The following ATM variants were observed in gnomAD, a reference collection of about 807,000 sequenced individuals.
ATM encodes the protein serine-protein kinase ATM.
Under a neutral mutation model 387.0 loss-of-function variants are expected in ATM, and 308 were observed. That is an observed-to-expected ratio of 0.80 (90% CI 0.73 to 0.87). The LOEUF is 0.87. Ranked by LOEUF, ATM falls within the 40% of genes least tolerant of loss-of-function variation. ATM has a pLI of 0.00. For missense variants in ATM, 3,312 were observed against 3,560.9 expected (o/e 0.93, Z 1.78); for synonymous variants, 1,156 against 1,187.3 (o/e 0.97, Z 0.54).
chr11:108,258,861 A>C (rs927191527), intron 15 of ATM, 125 bp from the exon 16 acceptor site: 1 of 718,800 alleles, frequency 1.4e-6, no homozygotes, highest in Non-Finnish European at 2.5e-6. Flanking sequence ...TTGAAGCAGC[A>C]TATATATTGG....
intron 18 of ATM, among the ~76,000 whole-genome samples, chr11:108,270,201 T>A (rs1266408461): frequency 6.6e-6 from 1 of 152,200 alleles, no homozygotes; most frequent in African/African-American, 2.4e-5. Context: ...CTGTGCATAG[T>A]ACCATAAAGA....
intron 16 of ATM, among the ~76,000 whole-genome samples, chr11:108,262,146 C>A (rs1467229429): frequency 2.6e-5 from 4 of 152,136 alleles, no homozygotes; most frequent in Admixed American, 2.0e-4. Context: ...CACAAAGATA[C>A]TCCTCGAGAA....
At chr11:108,231,777 G>A (rs909703064) in intron 4 of ATM, among the ~76,000 whole-genome samples, 1 of 150,484 alleles carries the variant, frequency 6.6e-6, no homozygotes, top group Non-Finnish European at 1.5e-5. Context: ...GATTATTAGT[G>A]AATATTTCAG....
intron 16 of ATM, among the ~76,000 whole-genome samples, chr11:108,265,913 G>A (rs1565413085): frequency 2.7e-5 from 4 of 145,456 alleles, no homozygotes; most frequent in Admixed American, 7.0e-5. Context: ...TCAGAGAAAT[G>A]CAAATCAAAA....
At chr11:108,273,572 C>A (rs944251745) in intron 22 of ATM, among the ~76,000 whole-genome samples, 2 of 151,880 alleles carry the variant, frequency 1.3e-5, no homozygotes, top group Admixed American at 6.6e-5. Context: ...GAACTCCTGA[C>A]CTCAGGTGAT....
intron 56 of ATM, among the ~76,000 whole-genome samples, chr11:108,338,301 G>A (rs549807992): frequency 6.6e-6 from 1 of 151,810 alleles, no homozygotes; most frequent in Non-Finnish European, 1.5e-5. Context: ...CAGTTGAGCC[G>A]AGATCACACC....
chr11:108,247,146 G>A lies in ATM; in HGVS notation c.1065+19G>A, dbSNP rs2079894242. On this transcript the variant is annotated intron_variant, in intron 8 of 62. Coordinates refer to ENST00000675843, the MANE Select transcript of ATM (RefSeq NM_000051.4). ...TCACCAGGTACAGTAAGTAGGTCAT[G>A]TCACATTTAGAAATTTCCTGTTAAT... 2.5e-6 allele frequency: 4 copies of A among 1,612,872 alleles called. No individual in the cohort carries two copies. Among genetic ancestry groups the A allele is most frequent in the East Asian group, 2.2e-5 (1 of 44,782 alleles).
At chr11:108,263,906 A>G (rs1008041371) in intron 16 of ATM, among the ~76,000 whole-genome samples, 2 of 150,454 alleles carry the variant, frequency 1.3e-5, no homozygotes, top group African/African-American at 4.9e-5. Context: ...TCCTGGACAC[A>G]TACACTCTCC....
intron 56 of ATM, among the ~76,000 whole-genome samples, chr11:108,341,872 T>C (rs2087620500): frequency 1.3e-5 from 2 of 152,138 alleles, no homozygotes; most frequent in African/African-American, 4.8e-5. Context: ...TACTGGTGGG[T>C]ATATAAATCG....
rs1159291878 is a variant in ATM at position 108,321,201 on chromosome 11, C to T, written c.6453-100C>T. 1.1e-5 allele frequency: 16 copies of T among 1,487,238 alleles called. 1 individual carries two copies. In the Admixed American group the frequency reaches 2.9e-4, roughly 27 times the overall value. The allele number at this position is 1,487,238 out of a possible 1,614,324, so 92.1% of individuals were successfully genotyped here. A position where few individuals can be genotyped will look rare whatever the true frequency, so the allele number is the denominator to read the frequency against. ...CTTGTTAGTATTATTAGATCAGTAG[C>T]AAAGCCTATGATGAGAACTCTTTAA... On this transcript the variant is annotated intron_variant, in intron 44 of 62. Transcript: ENST00000675843.
At chr11:108,262,959 T>C (rs2135460137) in intron 16 of ATM, among the ~76,000 whole-genome samples, 1 of 151,942 alleles carries the variant, frequency 6.6e-6, no homozygotes, top group South Asian at 2.1e-4. Context: ...ATGCACCCAC[T>C]ACAGGAGCAC....
chr11:108,279,033 A>G (rs1170922377), intron 22 of ATM, among the ~76,000 whole-genome samples: 1 of 152,256 alleles, frequency 6.6e-6, no homozygotes, highest in Non-Finnish European at 1.5e-5. Flanking sequence ...GTGTTACGCA[A>G]AAGGTGTACT....
chr11:108,272,769 CT>C lies in ATM; in HGVS notation c.3204del (p.Pro1069LeufsTer2). 1 of 1,614,032 alleles carries C rather than the reference CT, an allele frequency of 6.2e-7. No individual in the cohort carries two copies. The highest frequency in any genetic ancestry group is 8.5e-7 in the Non-Finnish European group (1 of 1,179,962). ...WAILNVMGKD[F>X]PVNEVFTQFL... ...CCATTCTTAATGTAATGGGAAAAGA[CT>C]TTCCTGTAAATGAAGTATTTACACA... On this transcript the variant is annotated frameshift_variant, in exon 22 of 63. Coordinates refer to ENST00000675843, the MANE Select transcript of ATM (RefSeq NM_000051.4). LOFTEE classifies it high-confidence loss of function.
At chr11:108,363,792 G>C (rs552761748) in intron 61 of ATM, among the ~76,000 whole-genome samples, 1 of 152,076 alleles carries the variant, frequency 6.6e-6, no homozygotes, top group African/African-American at 2.4e-5. Flanking sequence ...TCTAATATTT[G>C]CAAGTATGAT....
intron 33 of ATM, 88 bp from the exon 34 acceptor site, chr11:108,299,626 C>T (rs2135885773): frequency 3.0e-6 from 4 of 1,333,132 alleles, no homozygotes; most frequent in Non-Finnish European, 4.3e-6. Flanking sequence ...TACAGAAAAA[C>T]AGCATTATAG....
At chr11:108,281,524 T>C (rs907666162) in intron 24 of ATM, among the ~76,000 whole-genome samples, 3 of 152,128 alleles carry the variant, frequency 2.0e-5, no homozygotes, top group African/African-American at 4.8e-5. Flanking sequence ...GGGCAGCACA[T>C]TGGGATCCAG....
intron 36 of ATM, 23 bp from the exon 37 acceptor site, chr11:108,304,652 G>C (rs2135941978): frequency 6.2e-7 from 1 of 1,608,582 alleles, no homozygotes; most frequent in Non-Finnish European, 8.5e-7. Flanking sequence ...AAACTATTGG[G>C]TGGATTTGTT....
At chr11:108,236,961 T>C (rs1298018627) in intron 5 of ATM, among the ~76,000 whole-genome samples, 1 of 152,178 alleles carries the variant, frequency 6.6e-6, no homozygotes, top group Non-Finnish European at 1.5e-5. Context: ...ACACGAACTC[T>C]AAAAGTTTAG....
chr11:108,268,390 T>C lies in ATM; in HGVS notation c.2639-20T>C, dbSNP rs2135522472. The C allele has an allele frequency of 1.2e-6, 2 of 1,610,434 alleles. No individual in the cohort carries two copies. The highest frequency in any genetic ancestry group is 1.7e-6 in the Non-Finnish European group (2 of 1,177,842). ...TGTTGTGCCCTTCTCTTAGTGTTAA[T>C]GAGTGCTTTTTATTTTTAGGTGCCA... On this transcript the variant is annotated intron_variant, in intron 17 of 62. Coordinates refer to ENST00000675843, the MANE Select transcript of ATM (RefSeq NM_000051.4).
Sources: allele counts gnomAD v4.1 joint callset (sites outside exome capture counted in the v4.1 genomes callset), GRCh38; gene constraint gnomAD v4.1.1; transcripts MANE v1.5; gene names NCBI Gene and HGNC (gene_info 2026-07-23, HGNC 2026-07-21).